RFX7: variants seen among roughly 807,000 people sequenced by gnomAD.
RFX7 encodes the protein DNA-binding protein RFX7.
In RFX7, 26 loss-of-function variants were observed where a neutral mutation model predicts 111.8. The ratio of observed to expected loss-of-function variants is 0.23; its 90% CI spans 0.17 to 0.32. RFX7 has a LOEUF of 0.32. RFX7 is among the 10% of genes least tolerant of loss of function. The probability of loss-of-function intolerance (pLI) is 1.00; values close to 1 mark genes in which losing one functional copy is unlikely to be tolerated. For synonymous variants in RFX7, 624 were observed against 624.4 expected, an observed-to-expected ratio of 1.00 and a Z score of 0.01; for missense variants, 1,573 against 1,772.9, an observed-to-expected ratio of 0.89 and a Z score of 2.02.
At chr15:56,096,691 T>C in intron 9 of RFX7, 71 bp from the exon 10 acceptor site, 3 of 1,404,778 alleles carry the variant, frequency 2.1e-6, no homozygotes, top group Non-Finnish European at 2.8e-6. Flanking sequence ...TATCTGTATA[T>C]ACTTTTAAGT....
At chr15:56,235,357 G>A (rs1423691122) in intron 2 of RFX7, among the ~76,000 whole-genome samples, 1 of 152,046 alleles carries the variant, frequency 6.6e-6, no homozygotes, top group East Asian at 1.9e-4. Context: ...TATATTTTTA[G>A]TAGAGACGGG....
At chr15:56,150,344 A>AC (rs2042552012) in intron 3 of RFX7, among the ~76,000 whole-genome samples, 1 of 152,104 alleles carries the variant, frequency 6.6e-6, no homozygotes, top group South Asian at 2.1e-4. Context: ...TGGGTCCCTG[A>AC]CCCCTGTGTA....
intron 2 of RFX7, among the ~76,000 whole-genome samples, chr15:56,196,763 T>C (rs1178602514): frequency 1.3e-5 from 2 of 152,230 alleles, no homozygotes; most frequent in African/African-American, 4.8e-5. Flanking sequence ...CCTAGCAAAC[T>C]AATATGCACG....
At chr15:56,221,174 T>A (rs1401361561) in intron 2 of RFX7, among the ~76,000 whole-genome samples, 2 of 152,238 alleles carry the variant, frequency 1.3e-5, no homozygotes, top group African/African-American at 4.8e-5. Context: ...GGCTCTTTTT[T>A]AGGTCCACAT....
At chr15:56,120,317 G>A (rs2042060347) in intron 5 of RFX7, among the ~76,000 whole-genome samples, 1 of 152,114 alleles carries the variant, frequency 6.6e-6, no homozygotes, top group Admixed American at 6.5e-5. Context: ...TTGGCAAATA[G>A]GAATGCTACT....
intron 2 of RFX7, among the ~76,000 whole-genome samples, chr15:56,222,152 G>A (rs2043433302): frequency 6.6e-6 from 1 of 152,116 alleles, no homozygotes; most frequent in African/African-American, 2.4e-5. Flanking sequence ...TTTCCAGATT[G>A]ACAACTTTTT....
chr15:56,106,069 A>T (rs2041825795), intron 5 of RFX7, among the ~76,000 whole-genome samples: 1 of 152,168 alleles, frequency 6.6e-6, no homozygotes, highest in Non-Finnish European at 1.5e-5. Context: ...TAGCTCAAAG[A>T]GGGGAGTGAG....
At chr15:56,149,076 C>A (rs2042528603) in intron 3 of RFX7, among the ~76,000 whole-genome samples, 1 of 145,104 alleles carries the variant, frequency 6.9e-6, no homozygotes, top group African/African-American at 2.6e-5. Flanking sequence ...GAGCGAGACT[C>A]CGTCTCAAAA....
intron 5 of RFX7, among the ~76,000 whole-genome samples, chr15:56,128,049 A>G (rs1224627508): frequency 6.6e-6 from 1 of 152,214 alleles, no homozygotes; most frequent in Admixed American, 6.5e-5. Flanking sequence ...ACAAAATTCT[A>G]GAAGAACACA....
At chr15:56,109,502 C>T (rs1185565383) in intron 5 of RFX7, among the ~76,000 whole-genome samples, 1 of 152,006 alleles carries the variant, frequency 6.6e-6, no homozygotes, top group African/African-American at 2.4e-5. Context: ...TCTGCCTGGC[C>T]GCCCATCGTC....
rs533996510 is a variant in RFX7, at chr15:56,101,159, T to C, written c.811+200A>G. 3.3e-5 allele frequency among the ~76,000 whole-genome samples: 5 copies of C among 152,268 alleles called. No homozygotes were observed. In the South Asian group the frequency reaches 1.0e-3, roughly 32 times the overall value. On this transcript the variant is annotated intron_variant, in intron 8 of 9. Coordinates refer to ENST00000559447, the MANE Select transcript of RFX7 (RefSeq NM_022841.7). ...GCCAGCAAAGCAATATATAGAAACA[T>C]AGCATTAAGCTTTATAATGAAAGGA...
At chr15:56,109,195 G>A (rs1278298899) in intron 5 of RFX7, among the ~76,000 whole-genome samples, 5 of 152,338 alleles carry the variant, frequency 3.3e-5, no homozygotes, top group East Asian at 1.9e-4. Flanking sequence ...GCAGGCGCGC[G>A]CCGCCACGCC....
At chr15:56,145,842 C>T (rs541677108) in intron 3 of RFX7, among the ~76,000 whole-genome samples, 64 of 152,264 alleles carry the variant, frequency 4.2e-4, no homozygotes, top group African/African-American at 1.5e-3. Context: ...AAGGATAATT[C>T]GTTTGCTTAT....
intron 2 of RFX7, among the ~76,000 whole-genome samples, chr15:56,242,367 C>T (rs1291145853): frequency 1.3e-5 from 2 of 152,110 alleles, no homozygotes; most frequent in Non-Finnish European, 2.9e-5. Context: ...TCCCACTAGA[C>T]TTTAGGAGTT....
chr15:56,134,949 A>C (rs1456882623), intron 5 of RFX7, among the ~76,000 whole-genome samples: 14 of 151,900 alleles, frequency 9.2e-5, no homozygotes, highest in African/African-American at 3.4e-4. Flanking sequence ...TGAACTCATC[A>C]TTTTTTATGG....
intron 2 of RFX7, 61 bp from the exon 3 acceptor site, chr15:56,179,364 C>T: frequency 5.4e-6 from 4 of 740,980 alleles, no homozygotes; most frequent in Non-Finnish European, 7.7e-6. Context: ...CTGCAATATT[C>T]TCAAAAAGAT....
chr15:56,111,679 A>AC (rs1555417873), intron 5 of RFX7, among the ~76,000 whole-genome samples: 6 of 150,910 alleles, frequency 4.0e-5, no homozygotes, highest in Non-Finnish European at 8.9e-5. Flanking sequence ...AAAAAAAAAA[A>AC]ACCAAAAAAA....
At chr15:56,225,558 A>G (rs898596456) in intron 2 of RFX7, among the ~76,000 whole-genome samples, 2 of 152,214 alleles carry the variant, frequency 1.3e-5, no homozygotes, top group Admixed American at 6.5e-5. Flanking sequence ...TAGGTAATTC[A>G]CAACATTTCA....
intron 2 of RFX7, among the ~76,000 whole-genome samples, chr15:56,194,330 A>C (rs2043127694): frequency 6.6e-6 from 1 of 152,152 alleles, no homozygotes; most frequent in Non-Finnish European, 1.5e-5. Flanking sequence ...TGTGAATACC[A>C]GATACTAGAT....
Sources: gnomAD v4.1 joint callset for allele counts (sites outside exome capture counted in the v4.1 genomes callset) on GRCh38, gnomAD v4.1.1 for gene constraint, MANE v1.5 for transcripts, NCBI Gene and HGNC (gene_info 2026-07-23, HGNC 2026-07-21) for gene names.